The following EHBP1 variants were observed in gnomAD, a reference collection of about 807,000 sequenced individuals.
The protein encoded by EHBP1 is EH domain-binding protein 1.
EHBP1 carries 55 observed loss-of-function variants against 144.0 expected under a neutral mutation model. The ratio of observed to expected loss-of-function variants is 0.38; its 90% CI spans 0.31 to 0.48. The LOEUF (loss-of-function observed/expected upper bound fraction) is 0.48. Ranked by LOEUF, EHBP1 falls within the 20% of genes least tolerant of loss-of-function variation. EHBP1 has a pLI of 0.98. For synonymous variants in EHBP1, 469 were observed against 472.7 expected, an observed-to-expected ratio of 0.99 and a Z score of 0.10; for missense variants, 1,200 against 1,364.2, an observed-to-expected ratio of 0.88 and a Z score of 1.90.
At chr2:62,698,945 C>T (rs1158493744) in intron 1 of EHBP1, among the ~76,000 whole-genome samples, 12 of 152,188 alleles carry the variant, frequency 7.9e-5, no homozygotes, top group African/African-American at 2.7e-4. Context: ...ATGCCCAGTG[C>T]CCTGGTAAGT....
rs1202739156 is a variant in EHBP1, at chr2:63,045,240, G to A, written c.3392+60G>A. 1.3e-5 allele frequency: 20 copies of A among 1,498,210 alleles called. No individual in the cohort carries two copies. The highest frequency in any genetic ancestry group is 2.8e-5 in the African/African-American group (2 of 72,106). 92.8% of individuals were successfully genotyped at this position (1,498,210 alleles called of 1,614,324 possible). A position where few individuals can be genotyped will look rare whatever the true frequency, so the allele number is the denominator to read the frequency against. ...CACCTGCCGAGGGGCCGAGAAGTGT[G>A]CGGAAAGTTCAATCCAGAGGTCGCG... On this transcript the variant is annotated intron_variant, in intron 22 of 22. Transcript: ENST00000431489. This position sits in a 1 kb window ranked among gnomAD's most constrained non-coding sequence, Gnocchi z 5.7.
At chr2:62,925,970 G>C (rs1377465220) in intron 10 of EHBP1, among the ~76,000 whole-genome samples, 1 of 152,040 alleles carries the variant, frequency 6.6e-6, no homozygotes, top group Non-Finnish European at 1.5e-5. Context: ...AAATAACCAA[G>C]CTGGACGTAT....
intron 10 of EHBP1, among the ~76,000 whole-genome samples, chr2:62,890,970 G>A (rs1439583850): frequency 6.6e-6 from 1 of 152,100 alleles, no homozygotes; most frequent in Non-Finnish European, 1.5e-5. Flanking sequence ...ACAAGATCAG[G>A]AGTCTGACAC....
chr2:62,826,110 A>G lies in EHBP1; in HGVS notation c.336A>G (p.Lys112=), dbSNP rs1484075082. The change falls in exon 6 of 23, where the codon AAA becomes AAG. Residue 112 remains lysine (K), a synonymous_variant. Coordinates refer to ENST00000431489, the MANE Select transcript of EHBP1 (RefSeq NM_001142616.3). ...IENESPSGRR[K]ALATSSINMK... ...AGGAATCCCCTTCTGGTCGAAGGAA[A>G]GCTCTTGCTACTAGCAGCATCAATA... 1.1e-5 allele frequency: 16 copies of G among 1,495,760 alleles called. No homozygotes were observed. The highest frequency in any genetic ancestry group is 1.4e-5 in the Non-Finnish European group (16 of 1,122,186). The allele number at this position is 1,495,760 out of a possible 1,614,324, so 92.7% of individuals were successfully genotyped here.
At chr2:62,916,584 C>T (rs1273098228) in intron 10 of EHBP1, among the ~76,000 whole-genome samples, 1 of 149,614 alleles carries the variant, frequency 6.7e-6, no homozygotes, top group African/African-American at 2.5e-5. Flanking sequence ...CAGAGCGAGA[C>T]TCTGTCTCAA....
rs535882745 is a variant in EHBP1, at chr2:62,720,953, G to A, written c.104+13658G>A. Among the ~76,000 whole-genome samples the A allele has an allele frequency of 1.0e-3, 156 of 152,100 alleles. 3 individuals are homozygous for A. In the South Asian group the frequency reaches 0.032, roughly 31 times the overall value. ...CATATCACATCACCCAGCTTTTTTT[G>A]GGTAAAATTTGAATAAATAAATTTA... is the stretch of plus-strand genomic sequence containing the variant. On this transcript the variant is annotated intron_variant, in intron 2 of 22. Transcript: ENST00000431489.
chr2:62,879,141 C>G (rs2051148534), intron 10 of EHBP1, among the ~76,000 whole-genome samples: 1 of 151,984 alleles, frequency 6.6e-6, no homozygotes, highest in South Asian at 2.1e-4. Context: ...GAACATACCT[C>G]AAAATAATAA....
Position 62,948,460 on chromosome 2 carries a change from A to C in EHBP1, c.1614A>C (p.Thr538=). The part of the protein sequence containing the change: ...KSTYKVGNYE[T]DTNSSVDQEK... ...CATATAAAGTTGGAAACTATGAAAC[A>C]GATACAAACAGTTCTGTTGATCAAG... The change falls in exon 13 of 23, where the codon ACA becomes ACC. Residue 538 remains threonine (T), a synonymous_variant. Coordinates refer to ENST00000431489, the MANE Select transcript of EHBP1 (RefSeq NM_001142616.3). The C allele has an allele frequency of 1.9e-6, 3 of 1,612,930 alleles. No individual in the cohort carries two copies. Among genetic ancestry groups the C allele is most frequent in the Non-Finnish European group, 2.5e-6 (3 of 1,179,234 alleles).
intron 15 of EHBP1, among the ~76,000 whole-genome samples, chr2:62,982,595 G>A (rs2059018973): frequency 6.6e-6 from 1 of 152,136 alleles, no homozygotes; most frequent in South Asian, 2.1e-4. Flanking sequence ...GTTTTGCTAA[G>A]GAGTAGTGTG....
intron 2 of EHBP1, among the ~76,000 whole-genome samples, chr2:62,711,608 A>G (rs771033934): frequency 6.6e-6 from 1 of 152,172 alleles, no homozygotes; most frequent in Non-Finnish European, 1.5e-5. Context: ...AAAATTTCCT[A>G]TGCATTAATA....
At chr2:62,692,650 G>A (rs1030441609) in intron 1 of EHBP1, among the ~76,000 whole-genome samples, 3 of 152,048 alleles carry the variant, frequency 2.0e-5, no homozygotes, top group African/African-American at 7.2e-5. Context: ...ATCTTTTCAA[G>A]TGCTTGTTGG....
chr2:63,025,267 A>T (rs1032091989), intron 19 of EHBP1, among the ~76,000 whole-genome samples: 1 of 152,176 alleles, frequency 6.6e-6, no homozygotes, highest in Non-Finnish European at 1.5e-5. Context: ...TATTGTGAGG[A>T]CTAAACAGAT....
chr2:62,894,393 G>GGAGA (rs150548461), intron 10 of EHBP1, among the ~76,000 whole-genome samples: 3 of 151,134 alleles, frequency 2.0e-5, no homozygotes, highest in South Asian at 2.1e-4. Context: ...ATAGGAAGAG[G>GGAGA]GAGAGAGAGA....
At chr2:62,904,631 C>G (rs2053658675) in intron 10 of EHBP1, among the ~76,000 whole-genome samples, 1 of 152,142 alleles carries the variant, frequency 6.6e-6, no homozygotes, top group Non-Finnish European at 1.5e-5. Flanking sequence ...GGAGCCCTGC[C>G]AGGTGTGGGG....
rs534361560 is a variant in EHBP1 at position 62,835,408 on chromosome 2, TC to T, written c.634+4251del. 1.4e-3 allele frequency among the ~76,000 whole-genome samples: 209 copies of T among 152,340 alleles called. 2 individuals are homozygous for T. The highest frequency in any genetic ancestry group is 4.8e-3 in the African/African-American group (200 of 41,586). ...AGTTTCATTTTAGGCTGGTATTCTC[TC>T]TAATAAATAAATAAGCCAGACAAAG... On this transcript the variant is annotated intron_variant, in intron 7 of 22. Transcript: ENST00000431489.
Position 62,858,603 on chromosome 2 carries a change from G to T in EHBP1, c.635-566G>T, listed in dbSNP as rs898480423. The T allele has an allele frequency of 3.7e-6, 3 of 809,866 alleles. No individual in the cohort carries two copies. The African/African-American group carries it at 5.1e-5, about 14-fold the overall frequency. 50.2% of individuals were successfully genotyped at this position (809,866 alleles called of 1,614,324 possible). A position where few individuals can be genotyped will look rare whatever the true frequency, so the allele number is the denominator to read the frequency against. On this transcript the variant is annotated intron_variant, in intron 7 of 22. Coordinates refer to ENST00000431489, the MANE Select transcript of EHBP1 (RefSeq NM_001142616.3). ...GACTTCTGTCTGTATTTATCTGTCA[G>T]TTTTGTCTTTGTGCTTTTCCTTGAA...
intron 14 of EHBP1, among the ~76,000 whole-genome samples, chr2:62,977,443 T>C (rs2058766887): frequency 6.6e-6 from 1 of 152,154 alleles, no homozygotes; most frequent in Non-Finnish European, 1.5e-5. Context: ...AACTTCGATC[T>C]CTACCCATTC....
chr2:62,855,933 G>A (rs1219007997), intron 7 of EHBP1, among the ~76,000 whole-genome samples: 3 of 152,202 alleles, frequency 2.0e-5, no homozygotes, highest in Non-Finnish European at 4.4e-5. Context: ...GAGCTGCAGA[G>A]TTGACAGGAT....
intron 19 of EHBP1, among the ~76,000 whole-genome samples, chr2:63,023,628 G>A (rs1455470771): frequency 1.3e-5 from 2 of 152,152 alleles, no homozygotes; most frequent in African/African-American, 4.8e-5. Flanking sequence ...CCCAGTGCCA[G>A]TTCACTCTGA....
Sources: allele counts gnomAD v4.1 joint callset (sites outside exome capture counted in the v4.1 genomes callset), GRCh38; gene constraint gnomAD v4.1.1; non-coding constraint Gnocchi (gnomAD v3.1); transcripts MANE v1.5; gene names NCBI Gene and HGNC (gene_info 2026-07-23, HGNC 2026-07-21).